Variants in AMPD3 observed in about 807,000 individuals in gnomAD.
AMPD3 encodes AMP deaminase 3.
A neutral mutation model predicts 82.3 loss-of-function variants in AMPD3; 57 were observed. That is an observed-to-expected ratio of 0.69 (90% CI 0.56 to 0.86). The LOEUF is 0.86. Ranked by LOEUF, AMPD3 falls within the 40% of genes least tolerant of loss-of-function variation. AMPD3 has a pLI of 0.00. For missense variants in AMPD3, 870 were observed against 1,003.8 expected, an observed-to-expected ratio of 0.87 and a Z score of 1.80; for synonymous variants, 381 against 394.7, an observed-to-expected ratio of 0.97 and a Z score of 0.41.
chr11:10,500,867 C>T (rs1207741209), intron 11 of AMPD3: 1 of 985,326 alleles, frequency 1.0e-6, no homozygotes, highest in East Asian at 1.1e-4. Context: ...ATTCCCTTCC[C>T]TACAAGTCTT....
At chr11:10,463,397 A>G (rs1848328364) in intron 2 of AMPD3, among the ~76,000 whole-genome samples, 1 of 152,184 alleles carries the variant, frequency 6.6e-6, no homozygotes, top group Non-Finnish European at 1.5e-5. Context: ...GTGTTGGATA[A>G]GGTGGGGTGG....
At chr11:10,503,775 C>T (rs1247348418) in intron 13 of AMPD3, among the ~76,000 whole-genome samples, 1 of 152,152 alleles carries the variant, frequency 6.6e-6, no homozygotes, top group African/African-American at 2.4e-5. Flanking sequence ...CTCTTCTAGC[C>T]ACTTCTGCAT....
rs1453802283 is a variant in AMPD3 at position 10,506,969 on chromosome 11, C to T, written c.*1085C>T. On this transcript the variant is annotated 3_prime_UTR_variant, in exon 15 of 15. Coordinates refer to ENST00000396553, the MANE Select transcript of AMPD3 (RefSeq NM_001025389.2). The surrounding 1 kb of genome is among the most constrained non-coding windows in gnomAD (Gnocchi z 4.1). ...TTTTAAGGCAAAATTTCTCCCTTAT[C>T]TACTATGATGACTTCAGAAGATACA... 1 of 152,306 alleles carries T rather than the reference C, an allele frequency of 6.6e-6. No individual in the cohort carries two copies. Among genetic ancestry groups the T allele is most frequent in the Non-Finnish European group, 1.5e-5 (1 of 68,010 alleles). 9.4% of individuals were successfully genotyped at this position (152,306 alleles called of 1,614,324 possible).
At chr11:10,462,076 C>G (rs560729780) in intron 2 of AMPD3, among the ~76,000 whole-genome samples, 18 of 152,284 alleles carry the variant, frequency 1.2e-4, no homozygotes, top group Non-Finnish European at 2.6e-4. Flanking sequence ...TTTTGCATTA[C>G]TAATGAACAC....
chr11:10,485,460 G>A (rs1168095065), intron 5 of AMPD3, among the ~76,000 whole-genome samples: 1 of 152,034 alleles, frequency 6.6e-6, no homozygotes, highest in African/African-American at 2.4e-5. Flanking sequence ...GCCTAGGCTG[G>A]TCTCAAACTC....
chr11:10,487,310 C>G lies in AMPD3; in HGVS notation c.885C>G (p.Ser295=). The G allele has an allele frequency of 5.6e-6, 9 of 1,614,096 alleles. No individual in the cohort carries two copies. Among genetic ancestry groups the G allele is most frequent in the Non-Finnish European group, 7.6e-6 (9 of 1,180,008 alleles). Residue 295 remains serine (S), a synonymous_variant, in exon 6 of 15, where the codon TCC becomes TCG. Transcript: ENST00000396553. ...TTCATGAGATGTTAAACGAAATGTC[C>G]GAGTTCAAAGAGTTGAAGAGTAACC... ...FSLHEMLNEM[S]EFKELKSNPH...
At chr11:10,454,770 T>G (rs1564836279), upstream of AMPD3, among the ~76,000 whole-genome samples, 1 of 152,144 alleles carries the variant, frequency 6.6e-6, no homozygotes, top group Non-Finnish European at 1.5e-5. Context: ...CCCAAAACAC[T>G]AGCAGAAAAA....
At chr11:10,473,234 C>T (rs554476549) in intron 2 of AMPD3, among the ~76,000 whole-genome samples, 1 of 152,274 alleles carries the variant, frequency 6.6e-6, no homozygotes, top group African/African-American at 2.4e-5. Context: ...CGTACCCCTC[C>T]ATTCCAGCTT....
intron 5 of AMPD3, chr11:10,486,692 C>A (rs548137114): frequency 1.5e-4 from 148 of 985,430 alleles, no homozygotes; most frequent in Non-Finnish European, 1.7e-4. Flanking sequence ...GGGCTGGTTC[C>A]TCTGCAACCC....
intron 3 of AMPD3, chr11:10,481,501 C>T (rs1258449002): frequency 6.1e-6 from 6 of 985,264 alleles, no homozygotes; most frequent in Non-Finnish European, 7.2e-6. Flanking sequence ...CCTAACTCCT[C>T]CTGTGTCTCC....
intron 5 of AMPD3, chr11:10,487,029 A>G (rs1849091631): frequency 2.0e-6 from 2 of 981,618 alleles, no homozygotes; most frequent in East Asian, 2.3e-4. Context: ...CTACTGCCCC[A>G]TCTCCTGACT....
intron 2 of AMPD3, among the ~76,000 whole-genome samples, chr11:10,468,227 T>C (rs1302294521): frequency 6.6e-6 from 1 of 152,028 alleles, no homozygotes; most frequent in Non-Finnish European, 1.5e-5. Flanking sequence ...ACTGGCAAAT[T>C]GGATGAAGAG....
At chr11:10,490,086 C>G (rs1849198217) in intron 6 of AMPD3, among the ~76,000 whole-genome samples, 1 of 152,102 alleles carries the variant, frequency 6.6e-6, no homozygotes, top group Admixed American at 6.5e-5. Flanking sequence ...TATTGGTGTC[C>G]CTGGGGCAGA....
chr11:10,498,883 A>G (rs1481250465), intron 10 of AMPD3, among the ~76,000 whole-genome samples: 1 of 152,176 alleles, frequency 6.6e-6, no homozygotes, highest in Non-Finnish European at 1.5e-5. Context: ...CGTACCCTCC[A>G]TGCATGTGTT....
chr11:10,454,199 C>A (rs1471462881), upstream of AMPD3, among the ~76,000 whole-genome samples: 1 of 152,172 alleles, frequency 6.6e-6, no homozygotes, highest in African/African-American at 2.4e-5. Context: ...TTCTTCTAAA[C>A]TGCCCATGTT....
chr11:10,451,030 G>T, upstream of AMPD3: 2 of 1,583,660 alleles, frequency 1.3e-6, no homozygotes, highest in African/African-American at 1.3e-5. Flanking sequence ...GCATGGCCCT[G>T]TCGTCCGAAC....
intron 6 of AMPD3, chr11:10,490,660 T>C (rs761298368): frequency 7.1e-6 from 7 of 985,276 alleles, no homozygotes; most frequent in Non-Finnish European, 8.4e-6. Context: ...TGTCCAGTTG[T>C]TTTCCTCATT....
intron 7 of AMPD3, 50 bp downstream of exon 7, chr11:10,493,593 G>A: frequency 6.3e-7 from 1 of 1,592,416 alleles, no homozygotes; most frequent in East Asian, 2.3e-5. Flanking sequence ...GCCCTGGCTG[G>A]GGACTCAGCC....
intron 2 of AMPD3, among the ~76,000 whole-genome samples, chr11:10,474,067 T>A (rs1320271941): frequency 2.0e-5 from 3 of 152,244 alleles, no homozygotes; most frequent in East Asian, 3.9e-4. Context: ...TAGTCTGGAT[T>A]AAGTGTCTCC....
Sources: allele counts gnomAD v4.1 joint callset (sites outside exome capture counted in the v4.1 genomes callset), GRCh38; gene constraint gnomAD v4.1.1; non-coding constraint Gnocchi (gnomAD v3.1); transcripts MANE v1.5; gene names NCBI Gene and HGNC (gene_info 2026-07-23, HGNC 2026-07-21).